SORCS1: variants seen among roughly 807,000 people sequenced by gnomAD.
SORCS1 encodes the protein sortilin related VPS10 domain containing receptor 1, also known as VPS10 domain-containing receptor SorCS1.
A neutral mutation model predicts 146.1 loss-of-function variants in SORCS1; 60 were observed. The ratio of observed to expected loss-of-function variants is 0.41; its 90% CI spans 0.33 to 0.51. The LOEUF (loss-of-function observed/expected upper bound fraction) is 0.51. Ranked by LOEUF, SORCS1 falls within the 20% of genes least tolerant of loss-of-function variation. The pLI, the probability that SORCS1 is intolerant of heterozygous loss-of-function variation, is 0.21. For missense variants in SORCS1, 1,352 were observed against 1,487.6 expected, an observed-to-expected ratio of 0.91 and a Z score of 1.50; for synonymous variants, 637 against 584.0, an observed-to-expected ratio of 1.09 and a Z score of -1.31.
At chr10:106,865,594 G>A (rs929018911) in intron 2 of SORCS1, among the ~76,000 whole-genome samples, 21 of 151,444 alleles carry the variant, frequency 1.4e-4, no homozygotes, top group African/African-American at 4.1e-4. Context: ...GCGTGGCAGC[G>A]GGCACCTGTA....
intron 6 of SORCS1, among the ~76,000 whole-genome samples, chr10:106,725,870 G>A (rs570210271): frequency 4.0e-5 from 6 of 150,504 alleles, no homozygotes; most frequent in African/African-American, 1.5e-4. Flanking sequence ...GGCAGAGGTT[G>A]CAGTGAGCCG....
intron 2 of SORCS1, among the ~76,000 whole-genome samples, chr10:106,947,291 T>C (rs990583879): frequency 6.6e-6 from 1 of 152,212 alleles, no homozygotes; most frequent in Non-Finnish European, 1.5e-5. Flanking sequence ...AACAATATCA[T>C]CTTAAGAATT....
chr10:106,841,512 C>T (rs1949039638), intron 2 of SORCS1, among the ~76,000 whole-genome samples: 1 of 151,996 alleles, frequency 6.6e-6, no homozygotes, highest in Admixed American at 6.6e-5. Flanking sequence ...TTTTTCTAGA[C>T]ATAATGCTAT....
At chr10:107,152,338 G>A (rs893428486) in intron 1 of SORCS1, among the ~76,000 whole-genome samples, 2 of 152,114 alleles carry the variant, frequency 1.3e-5, no homozygotes, top group Admixed American at 6.5e-5. Context: ...GTGGGTTTGG[G>A]GTCCCCATGC....
chr10:106,705,820 T>A (rs1747958147), intron 8 of SORCS1, among the ~76,000 whole-genome samples: 1 of 152,220 alleles, frequency 6.6e-6, no homozygotes, highest in South Asian at 2.1e-4. Flanking sequence ...AGCCTGGGGA[T>A]GTCAACAGTT....
intron 16 of SORCS1, 67 bp from the exon 17 acceptor site, chr10:106,667,869 A>C: frequency 1.9e-6 from 2 of 1,080,376 alleles, no homozygotes; most frequent in Admixed American, 1.9e-5. Flanking sequence ...ATTCTACATC[A>C]GTCCACAGCC....
At chr10:107,055,806 T>A (rs1405684995) in intron 1 of SORCS1, among the ~76,000 whole-genome samples, 1 of 152,110 alleles carries the variant, frequency 6.6e-6, no homozygotes, top group South Asian at 2.1e-4. Context: ...ACCAGTCTGC[T>A]AAGAGCACAG....
At chr10:106,916,813 G>C (rs570165765) in intron 2 of SORCS1, among the ~76,000 whole-genome samples, 2 of 151,926 alleles carry the variant, frequency 1.3e-5, no homozygotes, top group South Asian at 4.2e-4. Context: ...GCAGTGGCAC[G>C]ATCTCAGCTC....
intron 2 of SORCS1, among the ~76,000 whole-genome samples, chr10:106,837,374 ACCCCC>A (rs1948830157): frequency 6.6e-6 from 1 of 151,294 alleles, no homozygotes; most frequent in Non-Finnish European, 1.5e-5. Context: ...CTTCAACCCA[ACCCCC>A]TATGTTAAAG....
chr10:107,166,856 T>C (rs1033507066), upstream of SORCS1, among the ~76,000 whole-genome samples: 1 of 152,236 alleles, frequency 6.6e-6, no homozygotes, highest in African/African-American at 2.4e-5. Context: ...AAGACATTAG[T>C]GGATTCAGAT....
intron 6 of SORCS1, among the ~76,000 whole-genome samples, chr10:106,725,559 A>AAAATAAACAAAT (rs1856090181): frequency 6.9e-6 from 1 of 144,534 alleles, no homozygotes; most frequent in African/African-American, 2.6e-5. Context: ...CACATACACA[A>AAAATAAACAAAT]AAATAAATAA....
At chr10:106,991,665 A>C (rs1048026275) in intron 1 of SORCS1, among the ~76,000 whole-genome samples, 1 of 152,180 alleles carries the variant, frequency 6.6e-6, no homozygotes, top group Admixed American at 6.5e-5. Flanking sequence ...TTGATTAAAA[A>C]ATTATTACTC....
chr10:106,725,232 AC>A (rs1175310959), intron 6 of SORCS1, among the ~76,000 whole-genome samples: 4 of 152,120 alleles, frequency 2.6e-5, no homozygotes, highest in Admixed American at 6.5e-5. Flanking sequence ...TAGAATAAAA[AC>A]CATGGGTTCC....
intron 1 of SORCS1, among the ~76,000 whole-genome samples, chr10:107,124,154 A>G (rs182026053): frequency 1.3e-5 from 2 of 152,060 alleles, no homozygotes; most frequent in Admixed American, 6.6e-5. Context: ...AGAATTAAAT[A>G]ATATATGAAA....
intron 9 of SORCS1, among the ~76,000 whole-genome samples, chr10:106,698,331 G>A (rs1430927445): frequency 1.3e-5 from 2 of 152,178 alleles, no homozygotes; most frequent in Middle Eastern, 3.2e-3. Context: ...AAATGACAGT[G>A]TCATTATGAC....
chr10:106,991,724 A>G (rs563612380), intron 1 of SORCS1, among the ~76,000 whole-genome samples: 1 of 152,326 alleles, frequency 6.6e-6, no homozygotes, highest in South Asian at 2.1e-4. Context: ...AAAAATCACT[A>G]GAAGGGGGAA....
intron 6 of SORCS1, 61 bp downstream of exon 6, chr10:106,729,989 T>A (rs1220448897): frequency 5.8e-6 from 9 of 1,550,502 alleles, no homozygotes; most frequent in Non-Finnish European, 7.1e-6. Flanking sequence ...CAGACTCAGT[T>A]CATGACAGAG....
At chr10:107,105,263 T>A (rs535528255) in intron 1 of SORCS1, among the ~76,000 whole-genome samples, 74 of 152,166 alleles carry the variant, frequency 4.9e-4, no homozygotes, top group Middle Eastern at 3.4e-3. Context: ...TCAGTTAAGA[T>A]ATGAAAGGCA....
In SORCS1 at chr10:106,734,067, C is replaced by T. The variant is rs79567203; in HGVS notation, c.960-3953G>A. On this transcript the variant is annotated intron_variant, in intron 5 of 25. Coordinates refer to ENST00000263054, the MANE Select transcript of SORCS1 (RefSeq NM_052918.5). Reference sequence around the variant, plus strand: ...CTAACATCCAATACAGCATGTTATTCTTTCTGGGACTCAGAACCTCTCTGT... The same window carrying T: ...CTAACATCCAATACAGCATGTTATTTTTTCTGGGACTCAGAACCTCTCTGT... Among the ~76,000 whole-genome samples the T allele has an allele frequency of 8.5e-3, 1,292 of 152,232 alleles. 20 individuals are homozygous for T. Among genetic ancestry groups the T allele is most frequent in the African/African-American group, 0.03 (1,229 of 41,522 alleles).
Sources: allele counts gnomAD v4.1 joint callset (sites outside exome capture counted in the v4.1 genomes callset), GRCh38; gene constraint gnomAD v4.1.1; transcripts MANE v1.5; gene names NCBI Gene and HGNC (gene_info 2026-07-23, HGNC 2026-07-21).